The following SPINK5 variants were observed in gnomAD, a reference collection of about 807,000 sequenced individuals.
SPINK5 encodes serine protease inhibitor Kazal-type 5.
Under a neutral mutation model 151.8 loss-of-function variants are expected in SPINK5, and 125 were observed. The ratio of observed to expected loss-of-function variants is 0.82; its 90% CI spans 0.71 to 0.96. The LOEUF is 0.96. Among genes scored for constraint, SPINK5 ranks in the 40% least tolerant of loss-of-function variants. The pLI is 0.00. For missense variants in SPINK5, 1,194 were observed against 1,291.9 expected (o/e 0.92, Z 1.16); for synonymous variants, 374 against 395.3 (o/e 0.95, Z 0.64).
At chr5:148,130,772 T>G (rs1754551189) in intron 30 of SPINK5, among the ~76,000 whole-genome samples, 1 of 152,174 alleles carries the variant, frequency 6.6e-6, no homozygotes, top group Non-Finnish European at 1.5e-5. Context: ...TATTTATGAT[T>G]TTCTGGTGAG....
chr5:148,086,277 G>A (rs778360371), intron 4 of SPINK5, 128 bp from the exon 5 acceptor site: 8 of 1,102,356 alleles, frequency 7.3e-6, no homozygotes, highest in Admixed American at 4.5e-5. Flanking sequence ...GCTCAATGTA[G>A]CCTTCATGAT....
At chr5:148,135,997 ATCACTGTCTT>A (rs1385695527) in intron 32 of SPINK5, among the ~76,000 whole-genome samples, 1 of 152,092 alleles carries the variant, frequency 6.6e-6, no homozygotes, top group African/African-American at 2.4e-5. Context: ...TAGGGCAGGG[ATCACTGTCTT>A]TCCCATTTTA....
rs141332895 is a variant in SPINK5 at position 148,128,276 on chromosome 5, G to A, written c.2964+1197G>A. Among the ~76,000 whole-genome samples the A allele has an allele frequency of 1.9e-3, 282 of 152,058 alleles. 6 individuals carry two copies. The East Asian group carries it at 0.045, about 24-fold the overall frequency. Reference sequence around the variant, plus strand: ...AGTTACATAGAAGAAATGTACATATGCAAGTAAATAGCTAAATGAAATATC... The same window carrying A: ...AGTTACATAGAAGAAATGTACATATACAAGTAAATAGCTAAATGAAATATC... On this transcript the variant is annotated intron_variant, in intron 30 of 32. Coordinates refer to ENST00000256084, the MANE Select transcript of SPINK5 (RefSeq NM_006846.4).
intron 2 of SPINK5, among the ~76,000 whole-genome samples, chr5:148,067,487 T>C (rs1301349073): frequency 6.6e-6 from 1 of 152,190 alleles, no homozygotes; most frequent in African/African-American, 2.4e-5. Flanking sequence ...CTCTCTATTA[T>C]GGTCATTGAA....
intron 4 of SPINK5, among the ~76,000 whole-genome samples, chr5:148,078,202 T>A (rs73794656): frequency 0.052 from 7,925 of 151,174 alleles, 679 homozygotes; most frequent in African/African-American, 0.18. Flanking sequence ...AATAGGGATA[T>A]TTTGTAACTT....
In SPINK5 at chr5:148,123,785, G is replaced by A. The variant is rs771799761; in HGVS notation, c.2539-48G>A. 11 of 1,612,596 alleles carry A rather than the reference G, an allele frequency of 6.8e-6. No individual in the cohort carries two copies. The East Asian group carries it at 2.0e-4, about 29-fold the overall frequency. On this transcript the variant is annotated intron_variant, in intron 26 of 32. Coordinates refer to ENST00000256084, the MANE Select transcript of SPINK5 (RefSeq NM_006846.4). The stretch of plus-strand genomic sequence containing the variant: ...ATCGGTCAATCATGTTATCAGGTTT[G>A]AAAGATTATACCATGACAGTAACAA...
rs141541747 is a variant in SPINK5 at position 148,096,747 on chromosome 5, C to CTTT, written c.882+844_882+846dup. ...CTTTTTTTCTTTTTCTTTTTCTTTT[C>CTTT]TTTTCTTTTTTTTTTTAAGACAATT... is the stretch of plus-strand genomic sequence containing the variant. On this transcript the variant is annotated intron_variant, in intron 10 of 32. Transcript: ENST00000256084. Among the ~76,000 whole-genome samples, 885 of 136,186 alleles carry CTTT rather than the reference C, an allele frequency of 6.5e-3. 10 individuals carry two copies. The highest frequency in any genetic ancestry group is 0.023 in the Middle Eastern group (6 of 264). The allele number at this position is 136,186 out of a possible 152,430, so 89.3% of individuals were successfully genotyped here.
At chr5:148,094,243 T>C in intron 8 of SPINK5, 111 bp from the exon 9 acceptor site, 1 of 1,218,624 alleles carries the variant, frequency 8.2e-7, no homozygotes. Flanking sequence ...TTCACTGAGC[T>C]ATGATCATTC....
intron 8 of SPINK5, among the ~76,000 whole-genome samples, chr5:148,093,659 CTT>C (rs536809477): frequency 7.0e-6 from 1 of 143,106 alleles, no homozygotes. Flanking sequence ...ACTTTTTTTT[CTT>C]TTTTTTTTTG....
At chr5:148,078,386 C>T (rs1221875387) in intron 4 of SPINK5, among the ~76,000 whole-genome samples, 1 of 150,928 alleles carries the variant, frequency 6.6e-6, no homozygotes, top group Non-Finnish European at 1.5e-5. Flanking sequence ...GATAGAACAG[C>T]TAGACTAAAT....
chr5:148,100,144 T>G (rs1415253562), intron 12 of SPINK5, among the ~76,000 whole-genome samples: 2 of 152,132 alleles, frequency 1.3e-5, no homozygotes, highest in African/African-American at 4.8e-5. Flanking sequence ...TTCCCTGGTT[T>G]CCTTTGAGTT....
chr5:148,124,944 A>G, intron 28 of SPINK5, 107 bp downstream of exon 28: 2 of 1,291,926 alleles, frequency 1.5e-6, no homozygotes, highest in Admixed American at 3.6e-5. Context: ...CTTAACTTCA[A>G]AGAAAATTGA....
intron 7 of SPINK5, among the ~76,000 whole-genome samples, chr5:148,090,069 C>A (rs1753269390): frequency 6.6e-6 from 1 of 151,708 alleles, no homozygotes; most frequent in Non-Finnish European, 1.5e-5. Context: ...TATTTATTAG[C>A]TTAAAAAGTG....
chr5:148,128,844 C>T (rs903199179), intron 30 of SPINK5, among the ~76,000 whole-genome samples: 1 of 152,078 alleles, frequency 6.6e-6, no homozygotes, highest in Non-Finnish European at 1.5e-5. Context: ...TTTACGTATG[C>T]TAGGTTAATA....
At chr5:148,115,860 C>T (rs1409041885) in intron 21 of SPINK5, among the ~76,000 whole-genome samples, 1 of 147,784 alleles carries the variant, frequency 6.8e-6, no homozygotes, top group Non-Finnish European at 1.5e-5. Flanking sequence ...CCCACTCTGT[C>T]GTCCACACTG....
chr5:148,095,781 C>T (rs373261963), intron 9 of SPINK5, 37 bp from the exon 10 acceptor site: 191 of 1,521,006 alleles, frequency 1.3e-4, no homozygotes, highest in South Asian at 3.5e-4. Context: ...ACATGAAGAT[C>T]GGAAGCATCT....
At chr5:148,136,858 GCTA>G in intron 32 of SPINK5, 122 bp from the exon 33 acceptor site, 1 of 1,242,158 alleles carries the variant, frequency 8.1e-7, no homozygotes, top group Admixed American at 1.8e-5. Context: ...ATTTTAAATT[GCTA>G]CTTCTTTGCA....
chr5:148,091,590 T>C (rs1753311339), intron 8 of SPINK5, among the ~76,000 whole-genome samples: 2 of 151,930 alleles, frequency 1.3e-5, no homozygotes, highest in South Asian at 4.1e-4. Flanking sequence ...TTGTTTAAAA[T>C]TGGCAATGAA....
At chr5:148,110,951 T>A (rs1160993019) in intron 18 of SPINK5, among the ~76,000 whole-genome samples, 2 of 151,672 alleles carry the variant, frequency 1.3e-5, no homozygotes, top group African/African-American at 4.8e-5. Flanking sequence ...TGAACATGTA[T>A]CCCAGAACTT....
Sources: gnomAD v4.1 joint callset for allele counts (sites outside exome capture counted in the v4.1 genomes callset) on GRCh38, gnomAD v4.1.1 for gene constraint, MANE v1.5 for transcripts, NCBI Gene and HGNC (gene_info 2026-07-23, HGNC 2026-07-21) for gene names.